AKAP9: variants seen among roughly 807,000 people sequenced by gnomAD.
The protein encoded by AKAP9 is A-kinase anchoring protein 9, also known as A-kinase anchor protein 9.
A neutral mutation model predicts 488.5 loss-of-function variants in AKAP9; 311 were observed. The ratio of observed to expected loss-of-function variants is 0.64; its 90% confidence interval spans 0.58 to 0.70. The LOEUF is 0.70. AKAP9 is among the 30% of genes least tolerant of loss of function. The pLI, the probability that AKAP9 is intolerant of heterozygous loss-of-function variation, is 0.00. For synonymous variants in AKAP9, 1,462 were observed against 1,483.5 expected (o/e 0.99, Z 0.33); for missense variants, 4,215 against 4,374.5 (o/e 0.96, Z 1.03).
chr7:92,091,356 G>A (rs919074785), intron 38 of AKAP9, among the ~76,000 whole-genome samples: 1 of 152,050 alleles, frequency 6.6e-6, no homozygotes, highest in Non-Finnish European at 1.5e-5. Context: ...GGGAGGCCGA[G>A]GTGGGAGGAT....
chr7:92,066,011 G>A (rs999910867), intron 25 of AKAP9, among the ~76,000 whole-genome samples: 38 of 151,908 alleles, frequency 2.5e-4, no homozygotes, highest in African/African-American at 8.5e-4. Context: ...TATAACTTTA[G>A]ACATAAAACC....
intron 49 of AKAP9, among the ~76,000 whole-genome samples, chr7:92,109,704 G>A (rs958697878): frequency 2.6e-5 from 4 of 152,280 alleles, no homozygotes; most frequent in Middle Eastern, 3.4e-3. Flanking sequence ...TTGGGCGGCC[G>A]AGGCAGGCGG....
At chr7:92,074,028 A>G (rs1175182291) in intron 28 of AKAP9, among the ~76,000 whole-genome samples, 1 of 152,254 alleles carries the variant, frequency 6.6e-6, no homozygotes, top group Non-Finnish European at 1.5e-5. Context: ...ATGGCATCTA[A>G]TTAAATGAAA....
chr7:91,977,248 A>C (rs1331977389), intron 2 of AKAP9, among the ~76,000 whole-genome samples: 2 of 151,456 alleles, frequency 1.3e-5, no homozygotes, highest in East Asian at 2.0e-4. Context: ...TGACAGAGTG[A>C]GATCCTGTCT....
At chr7:91,973,043 G>C (rs530233361) in intron 1 of AKAP9, among the ~76,000 whole-genome samples, 1 of 152,256 alleles carries the variant, frequency 6.6e-6, no homozygotes, top group South Asian at 2.1e-4. Context: ...AGTGCTCTGT[G>C]TGTGCATGTG....
chr7:92,103,725 T>A (rs1162802504), intron 46 of AKAP9, among the ~76,000 whole-genome samples: 3 of 151,470 alleles, frequency 2.0e-5, no homozygotes, highest in African/African-American at 4.9e-5. Flanking sequence ...AATAAGCCCA[T>A]GAACAAGCTC....
chr7:92,109,212 AT>A (rs1482380286), intron 49 of AKAP9, among the ~76,000 whole-genome samples: 1 of 152,132 alleles, frequency 6.6e-6, no homozygotes, highest in East Asian at 1.9e-4. Flanking sequence ...TGTAAGGATT[AT>A]TTTTTCTTTG....
intron 14 of AKAP9, among the ~76,000 whole-genome samples, chr7:92,024,210 G>A (rs1043218994): frequency 5.9e-5 from 9 of 151,434 alleles, no homozygotes; most frequent in Non-Finnish European, 1.2e-4. Context: ...TTAGGAGTTC[G>A]AGACCAGCCT....
At chr7:92,023,680 G>T (rs1802654589) in intron 14 of AKAP9, among the ~76,000 whole-genome samples, 1 of 152,050 alleles carries the variant, frequency 6.6e-6, no homozygotes, top group African/African-American at 2.4e-5. Context: ...CCAGAATCTT[G>T]CTTTTAAAAT....
intron 3 of AKAP9, among the ~76,000 whole-genome samples, chr7:91,991,020 A>G (rs1173999782): frequency 1.3e-5 from 2 of 152,174 alleles, no homozygotes; most frequent in African/African-American, 2.4e-5. Context: ...TCTCATGTTC[A>G]TTTAGTAGCT....
In AKAP9 at chr7:92,089,237, T is replaced by C; in HGVS notation, c.9214-148T>C. 8.6e-6 allele frequency: 6 copies of C among 698,446 alleles called. No homozygotes were observed. The South Asian group carries it at 1.1e-4, about 13-fold the overall frequency. The allele number at this position is 698,446 out of a possible 1,614,324, so 43.3% of individuals were successfully genotyped here. A position where few individuals can be genotyped will look rare whatever the true frequency, so the allele number is the denominator to read the frequency against. ...AGCATTTGTCTGCAGCATATCCTCA[T>C]ACATTTTGGAAAGGAAAAATAAGAA... On this transcript the variant is annotated intron_variant, in intron 37 of 49. Transcript: ENST00000356239.
intron 3 of AKAP9, among the ~76,000 whole-genome samples, chr7:91,983,805 T>C (rs539892741): frequency 6.6e-6 from 1 of 152,338 alleles, no homozygotes; most frequent in South Asian, 2.1e-4. Context: ...ATCTGTTGTT[T>C]CCTGACTTTT....
intron 5 of AKAP9, among the ~76,000 whole-genome samples, 160 bp downstream of exon 5, chr7:91,993,215 G>A (rs13237571): frequency 0.015 from 2,264 of 148,020 alleles, 22 homozygotes; most frequent in Middle Eastern, 0.031. Context: ...TCCATACAGG[G>A]TCTTGCTCTG....
In AKAP9 at chr7:91,995,586, T is replaced by C; in HGVS notation, c.733-17T>C. ...CACTTCAGAATTTAACGTTTTGAGGTTTCTTTCTATTTTCAGTTACAGGCT... is the reference window on the plus strand; with the variant it reads ...CACTTCAGAATTTAACGTTTTGAGGCTTCTTTCTATTTTCAGTTACAGGCT... On this transcript the variant is annotated splice_polypyrimidine_tract_variant and intron_variant, in intron 6 of 49. Transcript: ENST00000356239. 6.2e-7 allele frequency: 1 copy of C among 1,612,770 alleles called. No individual in the cohort carries two copies. The highest frequency in any genetic ancestry group is 8.5e-7 in the Non-Finnish European group (1 of 1,178,958).
intron 8 of AKAP9, 41 bp from the exon 9 acceptor site, chr7:92,012,388 C>A: frequency 2.0e-6 from 3 of 1,526,548 alleles, no homozygotes; most frequent in South Asian, 2.3e-5. Context: ...TTTGATTTGT[C>A]ATTTAAGAAT....
In AKAP9 at chr7:92,023,010, G is replaced by T. The variant is rs1802551540; in HGVS notation, c.4148+1G>T. 1 of 1,612,368 alleles carries T rather than the reference G, an allele frequency of 6.2e-7. No homozygotes were observed. The highest frequency in any genetic ancestry group is 8.5e-7 in the Non-Finnish European group (1 of 1,178,500). ...TTAGTGAGTCCACGGTTCCGCCAAGGTATTCATCTGCTTATAGCTTCATTC... is the reference window on the plus strand; with the variant it reads ...TTAGTGAGTCCACGGTTCCGCCAAGTTATTCATCTGCTTATAGCTTCATTC... On this transcript the variant is annotated splice_donor_variant, in intron 14 of 49. Transcript: ENST00000356239. LOFTEE classifies it high-confidence loss of function.
intron 17 of AKAP9, among the ~76,000 whole-genome samples, chr7:92,039,905 A>G (rs1005163983): frequency 6.6e-6 from 1 of 152,114 alleles, no homozygotes; most frequent in Non-Finnish European, 1.5e-5. Flanking sequence ...AACTGGGGAG[A>G]TGAAGGTTGC....
intron 40 of AKAP9, among the ~76,000 whole-genome samples, chr7:92,096,334 G>GTTTTTTTTTT (rs769758632): frequency 8.1e-6 from 1 of 123,970 alleles, no homozygotes. Context: ...AGTTTTTTTT[G>GTTTTTTTTTT]TTTTTTTTTT....
chr7:92,008,997 A>AG (rs1208017909), intron 8 of AKAP9, among the ~76,000 whole-genome samples: 18 of 151,672 alleles, frequency 1.2e-4, no homozygotes, highest in African/African-American at 2.2e-4. Flanking sequence ...AAAAAAAAAA[A>AG]AAAGAAAATG....
Sources: allele counts gnomAD v4.1 joint callset (sites outside exome capture counted in the v4.1 genomes callset), GRCh38; gene constraint gnomAD v4.1.1; transcripts MANE v1.5; gene names NCBI Gene and HGNC (gene_info 2026-07-23, HGNC 2026-07-21).